FGFR2: variants seen among roughly 807,000 people sequenced by gnomAD.
FGFR2 encodes BEK fibroblast growth factor receptor.
Under a neutral mutation model 95.9 loss-of-function variants are expected in FGFR2, and 19 were observed. The observed-to-expected ratio is 0.20, with a 90% CI of 0.14 to 0.29. The LOEUF is 0.29. FGFR2 is among the 10% of genes least tolerant of loss of function. The probability of loss-of-function intolerance (pLI) is 1.00; values close to 1 mark genes in which losing one functional copy is unlikely to be tolerated. For synonymous variants in FGFR2, 392 were observed against 393.3 expected, an observed-to-expected ratio of 1.00 and a Z score of 0.04; for missense variants, 707 against 1,056.9, an observed-to-expected ratio of 0.67 and a Z score of 4.59.
In FGFR2 at chr10:121,488,083, C is replaced by T. The variant is rs1372392695; in HGVS notation, c.1894G>A (p.Val632Ile). ...ATCACATTGTTTTCTGTTACCAAAACATTTCTGGCTGCTAAATCTCGATGA... is the reference window on the plus strand; with the variant it reads ...ATCACATTGTTTTCTGTTACCAAAATATTTCTGGCTGCTAAATCTCGATGA... ...CIHRDLAARN[V>I]LVTENNVMKI... The change falls in exon 14 of 18, where the codon GTT (valine) becomes ATT (isoleucine). Residue 632 changes from valine to isoleucine, a missense_variant. Val to Ile is a conservative substitution (Grantham distance 29). This residue lies in a region of FGFR2 where 104 missense variants were observed against 214.2 expected (regional missense o/e 0.49). Coordinates refer to ENST00000358487, the MANE Select transcript of FGFR2 (RefSeq NM_000141.5). 1.2e-6 allele frequency: 2 copies of T among 1,614,004 alleles called. No homozygotes were observed. Among genetic ancestry groups the T allele is most frequent in the East Asian group, 2.2e-5 (1 of 44,896 alleles).
At chr10:121,576,182 C>T (rs892685746) in intron 2 of FGFR2, among the ~76,000 whole-genome samples, 3 of 152,108 alleles carry the variant, frequency 2.0e-5, no homozygotes, top group Non-Finnish European at 2.9e-5. Context: ...AGCGAAACTC[C>T]GTCTCAAAAA....
At chr10:121,493,074 G>A (rs963061381) in intron 13 of FGFR2, among the ~76,000 whole-genome samples, 3 of 152,028 alleles carry the variant, frequency 2.0e-5, no homozygotes, top group Non-Finnish European at 4.4e-5. Context: ...TGACACATCT[G>A]GTCTCAAACC....
intron 2 of FGFR2, among the ~76,000 whole-genome samples, chr10:121,578,532 G>A (rs943859511): frequency 6.6e-6 from 1 of 152,256 alleles, no homozygotes; most frequent in Non-Finnish European, 1.5e-5. Flanking sequence ...GACTGGAGTA[G>A]GGATCAATGC....
intron 15 of FGFR2, among the ~76,000 whole-genome samples, chr10:121,486,877 T>C (rs1845481715): frequency 6.6e-6 from 1 of 152,222 alleles, no homozygotes; most frequent in Non-Finnish European, 1.5e-5. Context: ...CAGACCTTTT[T>C]GTTGAGGGAT....
At chr10:121,574,955 C>T (rs1049118165) in intron 2 of FGFR2, among the ~76,000 whole-genome samples, 2 of 152,182 alleles carry the variant, frequency 1.3e-5, no homozygotes, top group African/African-American at 4.8e-5. Flanking sequence ...CTGGTAGACA[C>T]AAGTCGGGAC....
At position 121,551,371 on chromosome 10, in the gene FGFR2, G is replaced by C. The variant is rs150598483; in HGVS notation, c.543C>G (p.Ala181=). ...AANTVKFRCP[A]GGNPMPTMRW... ...GCATGGTTGGCATTGGGTTCCCCCC[G>C]GCTGGGCAGCGAAACTTGACAGTGT... Residue 181 remains alanine, a synonymous_variant, in exon 5 of 18, where the codon GCC becomes GCG. Transcript: ENST00000358487. 3 of 1,614,060 alleles carry C rather than the reference G, an allele frequency of 1.9e-6. No individual in the cohort carries two copies. Among genetic ancestry groups the C allele is most frequent in the South Asian group, 1.1e-5 (1 of 91,088 alleles).
At chr10:121,554,552 C>T (rs1302516808) in intron 4 of FGFR2, among the ~76,000 whole-genome samples, 1 of 125,186 alleles carries the variant, frequency 8.0e-6, no homozygotes, top group South Asian at 2.2e-4. Context: ...AGGGTTTCAC[C>T]GTTTTAGCCA....
chr10:121,507,493 C>A (rs1026238886), intron 9 of FGFR2, among the ~76,000 whole-genome samples: 1 of 152,110 alleles, frequency 6.6e-6, no homozygotes, highest in Admixed American at 6.5e-5. Context: ...GAGGCTGAGG[C>A]AGGAGAATTG....
chr10:121,551,214 C>T (rs1382699742), intron 5 of FGFR2, 76 bp downstream of exon 5: 9 of 1,529,080 alleles, frequency 5.9e-6, no homozygotes, highest in African/African-American at 4.2e-5. Context: ...AGCGAGACTC[C>T]ATCGCAAAAA....
intron 13 of FGFR2, among the ~76,000 whole-genome samples, chr10:121,490,753 G>C (rs1441793956): frequency 6.6e-6 from 1 of 152,154 alleles, no homozygotes; most frequent in Non-Finnish European, 1.5e-5. Flanking sequence ...AATTAAAAAA[G>C]GGGCAAGCTA....
chr10:121,576,434 C>T (rs999832814), intron 2 of FGFR2, among the ~76,000 whole-genome samples: 7 of 152,160 alleles, frequency 4.6e-5, no homozygotes, highest in Non-Finnish European at 7.3e-5. Context: ...TGGTACATCT[C>T]CAGCCCTTCA....
At chr10:121,534,918 C>A (rs928953742) in intron 6 of FGFR2, among the ~76,000 whole-genome samples, 1 of 152,150 alleles carries the variant, frequency 6.6e-6, no homozygotes, top group Non-Finnish European at 1.5e-5. Flanking sequence ...GGTACGTCCA[C>A]GTCCTAAGCC....
At position 121,479,822 on chromosome 10, in the gene FGFR2, T is replaced by G. The variant is rs2133676663; in HGVS notation, c.*35A>C. ...CTGCTCAGTGTAGCTAGGTTCCCAG[T>G]GCTGTCCTGTTTGGGGACAGGCAGA... On this transcript the variant is annotated 3_prime_UTR_variant, in exon 18 of 18. Coordinates refer to ENST00000358487, the MANE Select transcript of FGFR2 (RefSeq NM_000141.5). The G allele has an allele frequency of 6.2e-7, 1 of 1,614,074 alleles. No individual in the cohort carries two copies.
chr10:121,555,322 G>A (rs931874896), intron 4 of FGFR2, among the ~76,000 whole-genome samples: 26 of 152,116 alleles, frequency 1.7e-4, no homozygotes, highest in African/African-American at 3.9e-4. Flanking sequence ...GCAGTGAGCC[G>A]AGATCATGCC....
chr10:121,585,597 T>C (rs1861697559), intron 2 of FGFR2, among the ~76,000 whole-genome samples: 1 of 152,166 alleles, frequency 6.6e-6, no homozygotes, highest in South Asian at 2.1e-4. Flanking sequence ...ACAGCATCAG[T>C]AGATAGTAGA....
At chr10:121,573,418 C>T (rs527666036) in intron 2 of FGFR2, among the ~76,000 whole-genome samples, 1 of 152,264 alleles carries the variant, frequency 6.6e-6, no homozygotes, top group South Asian at 2.1e-4. Flanking sequence ...TCCTGGAACC[C>T]ATCCCACTGA....
At chr10:121,564,478 C>A (rs2135085546) in intron 4 of FGFR2, 24 bp downstream of exon 4, 1 of 1,605,504 alleles carries the variant, frequency 6.2e-7, no homozygotes, top group South Asian at 1.1e-5. Context: ...TCTCGGGGAC[C>A]ATCGGAGCCG....
chr10:121,494,884 T>G (rs1284776599), intron 13 of FGFR2, among the ~76,000 whole-genome samples: 1 of 152,072 alleles, frequency 6.6e-6, no homozygotes, highest in Admixed American at 6.5e-5. Flanking sequence ...ATATAACCAG[T>G]AATATTATAC....
In FGFR2 at chr10:121,480,270, C is replaced by A. The variant is rs1046058976; in HGVS notation, c.2302-249G>T. Reference sequence around the variant, plus strand: ...CCCTGAGACCACGTCTGATGTACCCCAGGCTGTCCTTAGCTTTTCTCTTGG... The same window carrying A: ...CCCTGAGACCACGTCTGATGTACCCAAGGCTGTCCTTAGCTTTTCTCTTGG... On this transcript the variant is annotated intron_variant, in intron 17 of 17. Coordinates refer to ENST00000358487, the MANE Select transcript of FGFR2 (RefSeq NM_000141.5). 12 of 563,510 alleles carry A rather than the reference C, an allele frequency of 2.1e-5. 1 individual carries two copies. The highest frequency in any genetic ancestry group is 3.8e-5 in the Non-Finnish European group (12 of 312,742). 34.9% of individuals were successfully genotyped at this position (563,510 alleles called of 1,614,324 possible).
Sources: gnomAD v4.1 joint callset for allele counts (sites outside exome capture counted in the v4.1 genomes callset) on GRCh38, gnomAD v4.1.1 for gene constraint, gnomAD v4.1.1 regional missense constraint, MANE v1.5 for transcripts, NCBI Gene and HGNC (gene_info 2026-07-23, HGNC 2026-07-21) for gene names.